Variants in KDM6A observed in about 807,000 individuals in gnomAD.
The protein encoded by KDM6A is lysine-specific demethylase 6A.
Under a neutral mutation model 117.6 loss-of-function variants are expected in KDM6A, and 11 were observed. That is an observed-to-expected ratio of 0.09 (90% CI 0.06 to 0.15). The LOEUF is 0.15. KDM6A is among the 10% of genes least tolerant of loss of function. The pLI is 1.00. For missense variants in KDM6A, 799 were observed against 1,077.3 expected (o/e 0.74, Z 3.62); for synonymous variants, 384 against 396.1 (o/e 0.97, Z 0.36).
At chrX:44,950,048 G>A (rs1452966827) in intron 2 of KDM6A, among the ~76,000 whole-genome samples, 1 of 107,735 alleles carries the variant, frequency 9.3e-6, no homozygotes, top group East Asian at 2.9e-4. Context: ...ATGGAGTCTC[G>A]CTCTGTCACC....
chrX:44,977,824 A>AT (rs1602417691), intron 4 of KDM6A, among the ~76,000 whole-genome samples: 1 of 112,332 alleles, frequency 8.9e-6, no homozygotes, highest in African/African-American at 3.2e-5. Flanking sequence ...CTTTTTAAAA[A>AT]TTGAAGTGTA....
intron 2 of KDM6A, among the ~76,000 whole-genome samples, chrX:44,906,274 C>A (rs2034652643): frequency 9.0e-6 from 1 of 110,641 alleles, no homozygotes; most frequent in Non-Finnish European, 1.9e-5. Flanking sequence ...CCTCAGCCTC[C>A]TGAGTAGCTG....
At chrX:44,914,292 G>A (rs890264107) in intron 2 of KDM6A, among the ~76,000 whole-genome samples, 3 of 112,074 alleles carry the variant, frequency 2.7e-5, no homozygotes, top group African/African-American at 9.7e-5. Flanking sequence ...AGGGTCATTT[G>A]TACTTACCTC....
intron 4 of KDM6A, among the ~76,000 whole-genome samples, chrX:45,008,336 T>C (rs2041600748): frequency 9.0e-6 from 1 of 110,812 alleles, no homozygotes; most frequent in South Asian, 3.8e-4. Context: ...ATCGCACCAC[T>C]GCACTCCAGC....
intron 2 of KDM6A, among the ~76,000 whole-genome samples, chrX:44,926,001 T>C (rs1413990078): frequency 9.0e-6 from 1 of 111,509 alleles, no homozygotes; most frequent in Non-Finnish European, 1.9e-5. Context: ...TGGACTTCAG[T>C]GATCCTTTTC....
intron 2 of KDM6A, among the ~76,000 whole-genome samples, chrX:44,885,284 C>G (rs2032751657): frequency 9.2e-6 from 1 of 108,726 alleles, no homozygotes; most frequent in Admixed American, 1.0e-4. Flanking sequence ...GCCTTGGCCT[C>G]CAAAGTGCTG....
intron 17 of KDM6A, among the ~76,000 whole-genome samples, chrX:45,067,644 C>CTTTTTTTTT (rs1267780901): frequency 8.9e-5 from 8 of 90,050 alleles, no homozygotes; most frequent in African/African-American, 1.6e-4. Flanking sequence ...TGGTGTGTAT[C>CTTTTTTTTT]TTTTTTTTGT....
At chrX:44,882,986 A>T (rs980568349) in intron 2 of KDM6A, among the ~76,000 whole-genome samples, 2 of 111,555 alleles carry the variant, frequency 1.8e-5, no homozygotes, top group African/African-American at 6.5e-5. Context: ...ATTATGCATC[A>T]TTTAAAGTAT....
rs2043292619 is a variant in KDM6A, at chrX:45,042,278, GGGAGAGGGGAGAGGGGAGAGGGGAGA to G, written c.654+4592_654+4617del. ...TGGAGGGAGAGGGGAGAGGGGAGAGGGGAGAGGGGAGAGGGGAGAGGGGAGAGGGAGAGTCATTTGATAAATTTTAA... is the reference window on the plus strand; with the variant it reads ...TGGAGGGAGAGGGGAGAGGGGAGAGGGGGAGAGTCATTTGATAAATTTTAA... On this transcript the variant is annotated intron_variant, in intron 8 of 29. Transcript: ENST00000611820. 7.4e-4 allele frequency among the ~76,000 whole-genome samples: 25 copies of G among 33,814 alleles called. 5 individuals are homozygous for G. The highest frequency in any genetic ancestry group is 3.9e-3 in the African/African-American group (13 of 3,313). The allele number at this position is 33,814 out of a possible 115,157, so 29.4% of individuals were successfully genotyped here.
chrX:44,999,703 T>A (rs930306084), intron 4 of KDM6A, among the ~76,000 whole-genome samples: 11 of 111,867 alleles, frequency 9.8e-5, no homozygotes, highest in Non-Finnish European at 1.5e-4. Flanking sequence ...AAACTTTTTT[T>A]AAACATGTCT....
chrX:44,947,389 G>A (rs1028075794), intron 2 of KDM6A, among the ~76,000 whole-genome samples: 1 of 101,156 alleles, frequency 9.9e-6, no homozygotes, highest in Non-Finnish European at 1.9e-5. Flanking sequence ...TAAATAATCA[G>A]AATTTTTTTT....
At chrX:44,967,807 GAA>G (rs1422941874) in intron 3 of KDM6A, among the ~76,000 whole-genome samples, 1 of 112,196 alleles carries the variant, frequency 8.9e-6, no homozygotes, top group Non-Finnish European at 1.9e-5. Context: ...GATTCCAGAT[GAA>G]TTTGATGCAG....
At chrX:45,109,082 C>T (rs1304856531) in intron 28 of KDM6A, among the ~76,000 whole-genome samples, 1 of 101,824 alleles carries the variant, frequency 9.8e-6, no homozygotes, top group Non-Finnish European at 2.0e-5. Flanking sequence ...AACTAACCTG[C>T]ACAATGTGCA....
At chrX:45,053,516 T>C (rs1409589531) in intron 9 of KDM6A, among the ~76,000 whole-genome samples, 1 of 112,186 alleles carries the variant, frequency 8.9e-6, no homozygotes, top group Non-Finnish European at 1.9e-5. Flanking sequence ...TATTTTTTGT[T>C]TCGTAACTTG....
At chrX:45,057,729 C>T (rs1370484414) in intron 10 of KDM6A, among the ~76,000 whole-genome samples, 1 of 110,915 alleles carries the variant, frequency 9.0e-6, no homozygotes, top group African/African-American at 3.3e-5. Context: ...TGTTCAAACC[C>T]ATTTAAAACG....
At chrX:45,097,626 A>G (rs2046167017) in intron 27 of KDM6A, among the ~76,000 whole-genome samples, 1 of 111,597 alleles carries the variant, frequency 9.0e-6, no homozygotes, top group African/African-American at 3.3e-5. Flanking sequence ...TGGGTTATTT[A>G]ATAATGGGAA....
chrX:44,953,107 G>A (rs950693567), intron 2 of KDM6A, among the ~76,000 whole-genome samples: 2 of 109,888 alleles, frequency 1.8e-5, no homozygotes, highest in Middle Eastern at 4.2e-3. Flanking sequence ...CGAGGAAAGA[G>A]GGTTACACAC....
At chrX:44,914,090 A>G (rs2035396017) in intron 2 of KDM6A, among the ~76,000 whole-genome samples, 1 of 111,901 alleles carries the variant, frequency 8.9e-6, no homozygotes, top group Non-Finnish European at 1.9e-5. Flanking sequence ...TGGACAGCTT[A>G]TTTAGTAGCA....
At chrX:44,920,115 A>G (rs1051227938) in intron 2 of KDM6A, among the ~76,000 whole-genome samples, 1 of 112,504 alleles carries the variant, frequency 8.9e-6, no homozygotes, top group African/African-American at 3.2e-5. Flanking sequence ...TGCACCTGAA[A>G]AGAATGTATA....
Sources: gnomAD v4.1 joint callset for allele counts (sites outside exome capture counted in the v4.1 genomes callset) on GRCh38, gnomAD v4.1.1 for gene constraint, MANE v1.5 for transcripts, NCBI Gene and HGNC (gene_info 2026-07-23, HGNC 2026-07-21) for gene names.